Variants in MBD5 observed in about 807,000 individuals in gnomAD.
The protein encoded by MBD5 is methyl-CpG binding domain protein 5.
Under a neutral mutation model 117.3 loss-of-function variants are expected in MBD5, and 13 were observed. The observed-to-expected ratio is 0.11, with a 90% confidence interval of 0.07 to 0.18. The LOEUF (loss-of-function observed/expected upper bound fraction) is 0.18, where lower values mean the gene tolerates loss of function less well. Ranked by LOEUF, MBD5 falls within the 10% of genes least tolerant of loss-of-function variation. MBD5 has a pLI of 1.00. For missense variants in MBD5, 1,879 were observed against 2,093.8 expected, an observed-to-expected ratio of 0.90 and a Z score of 2.00; for synonymous variants, 727 against 766.4, an observed-to-expected ratio of 0.95 and a Z score of 0.85.
intron 1 of MBD5, among the ~76,000 whole-genome samples, chr2:148,036,139 T>C (rs957802481): frequency 7.2e-5 from 11 of 152,178 alleles, no homozygotes; most frequent in Non-Finnish European, 7.4e-5. Flanking sequence ...GTTTTACTTC[T>C]TGTTGAGGGA....
intron 3 of MBD5, among the ~76,000 whole-genome samples, chr2:148,268,345 G>C (rs1210172593): frequency 2.0e-5 from 3 of 151,918 alleles, no homozygotes; most frequent in Non-Finnish European, 4.4e-5. Flanking sequence ...GCCTCCCAAA[G>C]TGCTGGGATT....
intron 3 of MBD5, among the ~76,000 whole-genome samples, chr2:148,246,061 A>G (rs545170318): frequency 1.7e-4 from 26 of 152,324 alleles, no homozygotes; most frequent in African/African-American, 6.0e-4. Context: ...ATGATCATTA[A>G]TGATAGAAAT....
At chr2:148,284,921 C>G (rs1701336251) in intron 3 of MBD5, among the ~76,000 whole-genome samples, 1 of 152,176 alleles carries the variant, frequency 6.6e-6, no homozygotes, top group African/African-American at 2.4e-5. Flanking sequence ...ACTGCAATCT[C>G]CCCAACAATA....
At chr2:148,384,960 T>C (rs1219481697) in intron 4 of MBD5, among the ~76,000 whole-genome samples, 1 of 152,116 alleles carries the variant, frequency 6.6e-6, no homozygotes, top group East Asian at 1.9e-4. Context: ...CAAAAATTAA[T>C]TCAAGATGGA....
At chr2:148,480,006 T>G (rs988322005) in intron 8 of MBD5, among the ~76,000 whole-genome samples, 1 of 152,102 alleles carries the variant, frequency 6.6e-6, no homozygotes, top group African/African-American at 2.4e-5. Context: ...TGTTTCTTTC[T>G]TTACCTAAAC....
At chr2:148,308,747 G>A (rs1347126318) in intron 3 of MBD5, among the ~76,000 whole-genome samples, 6 of 151,894 alleles carry the variant, frequency 4.0e-5, no homozygotes, top group Non-Finnish European at 7.4e-5. Context: ...GCCCTGAATG[G>A]TATTGCATAG....
chr2:148,228,459 G>C (rs910179755), intron 2 of MBD5, among the ~76,000 whole-genome samples: 3 of 152,204 alleles, frequency 2.0e-5, no homozygotes, highest in African/African-American at 7.2e-5. Flanking sequence ...CAGGGATGAA[G>C]CCCACTTGAT....
chr2:148,441,576 G>A (rs898022227), intron 4 of MBD5, among the ~76,000 whole-genome samples: 23 of 152,174 alleles, frequency 1.5e-4, no homozygotes, highest in Non-Finnish European at 2.5e-4. Flanking sequence ...ACATGTGCAT[G>A]TGTCTTTATA....
At chr2:148,187,635 A>G (rs1698698255) in intron 2 of MBD5, among the ~76,000 whole-genome samples, 1 of 152,150 alleles carries the variant, frequency 6.6e-6, no homozygotes, top group Admixed American at 6.5e-5. Flanking sequence ...CCAGAAGATA[A>G]TGGAATGAGA....
intron 4 of MBD5, among the ~76,000 whole-genome samples, chr2:148,411,509 G>GTTT (rs1164420089): frequency 1.7e-4 from 10 of 60,456 alleles, no homozygotes; most frequent in Admixed American, 3.8e-4. Context: ...ACCAGCATCT[G>GTTT]TTCTTTTTTT....
chr2:148,450,575 C>T (rs1289938593), intron 4 of MBD5, among the ~76,000 whole-genome samples: 1 of 152,154 alleles, frequency 6.6e-6, no homozygotes, highest in Non-Finnish European at 1.5e-5. Flanking sequence ...CATGGTCTCT[C>T]ATCCTCGATG....
At chr2:148,386,325 G>A (rs1322984941) in intron 4 of MBD5, among the ~76,000 whole-genome samples, 2 of 152,118 alleles carry the variant, frequency 1.3e-5, no homozygotes, top group Non-Finnish European at 2.9e-5. Flanking sequence ...ACCTGTGGAA[G>A]TTTAATTAGT....
intron 7 of MBD5, among the ~76,000 whole-genome samples, chr2:148,468,110 A>C (rs998045144): frequency 6.6e-6 from 1 of 152,154 alleles, no homozygotes; most frequent in African/African-American, 2.4e-5. Flanking sequence ...GTTACTGAGA[A>C]CCTTTGGTCA....
At chr2:148,175,643 T>A (rs1045375776) in intron 1 of MBD5, among the ~76,000 whole-genome samples, 2 of 152,210 alleles carry the variant, frequency 1.3e-5, no homozygotes, top group Non-Finnish European at 2.9e-5. Flanking sequence ...TTTAGGTTAC[T>A]GGATGGGGCC....
At chr2:148,457,308 T>C (rs1706915307) in intron 4 of MBD5, among the ~76,000 whole-genome samples, 1 of 152,156 alleles carries the variant, frequency 6.6e-6, no homozygotes, top group South Asian at 2.1e-4. Flanking sequence ...TTTTACGCAT[T>C]CTTTAGTGTA....
At chr2:148,330,010 G>A (rs1702591183) in intron 3 of MBD5, among the ~76,000 whole-genome samples, 1 of 140,322 alleles carries the variant, frequency 7.1e-6, no homozygotes, top group African/African-American at 2.6e-5. Context: ...CAAGAGTTAA[G>A]ACTTCCTTGG....
At chr2:148,056,393 G>A (rs1047912351) in intron 1 of MBD5, among the ~76,000 whole-genome samples, 3 of 151,864 alleles carry the variant, frequency 2.0e-5, no homozygotes, top group Admixed American at 6.6e-5. Flanking sequence ...GCATTTTCTT[G>A]TAATGTTGCC....
At chr2:148,342,798 G>A (rs1248352978) in intron 4 of MBD5, among the ~76,000 whole-genome samples, 1 of 151,712 alleles carries the variant, frequency 6.6e-6, no homozygotes, top group Non-Finnish European at 1.5e-5. Context: ...TTAGATTCAG[G>A]GGGTACATGT....
intron 1 of MBD5, among the ~76,000 whole-genome samples, chr2:148,148,072 C>T (rs959364440): frequency 6.6e-6 from 1 of 152,140 alleles, no homozygotes; most frequent in Non-Finnish European, 1.5e-5. Flanking sequence ...AAGCCATCTC[C>T]AACACCTGCA....
Sources: allele counts gnomAD v4.1 joint callset (sites outside exome capture counted in the v4.1 genomes callset), GRCh38; gene constraint gnomAD v4.1.1; transcripts MANE v1.5; gene names NCBI Gene and HGNC (gene_info 2026-07-23, HGNC 2026-07-21).